The following DGKI variants were observed in gnomAD, a reference collection of about 807,000 sequenced individuals.
DGKI encodes the protein DAG kinase iota.
Under a neutral mutation model 147.5 loss-of-function variants are expected in DGKI, and 55 were observed. The observed-to-expected ratio is 0.37, with a 90% confidence interval of 0.30 to 0.47. The LOEUF is 0.47. Ranked by LOEUF, DGKI falls within the 20% of genes least tolerant of loss-of-function variation. DGKI has a pLI of 1.00. For missense variants in DGKI, 1,007 were observed against 1,323.8 expected (o/e 0.76, Z 3.71); for synonymous variants, 469 against 477.1 (o/e 0.98, Z 0.22).
rs117199027 is a variant in DGKI, at chr7:137,495,840, A to G, written c.2249-8151T>C. Reference sequence around the variant, plus strand: ...AATAAGAGTCATCTATGATAAACCCATAAGCCAACATCATACTGAATGGGT... The same window carrying G: ...AATAAGAGTCATCTATGATAAACCCGTAAGCCAACATCATACTGAATGGGT... On this transcript the variant is annotated intron_variant, in intron 21 of 32. Coordinates refer to ENST00000614521, the MANE Select transcript of DGKI (RefSeq NM_001321708.2). 1.6e-3 allele frequency among the ~76,000 whole-genome samples: 250 copies of G among 152,254 alleles called. 3 individuals carry two copies. In the East Asian group the frequency reaches 0.045, roughly 28 times the overall value.
At chr7:137,487,320 C>A (rs1197579651) in intron 22 of DGKI, among the ~76,000 whole-genome samples, 2 of 152,058 alleles carry the variant, frequency 1.3e-5, no homozygotes, top group Non-Finnish European at 2.9e-5. Context: ...TTCTGAACAT[C>A]TCAAATATAC....
intron 1 of DGKI, chr7:137,722,103 G>C: frequency 6.3e-7 from 1 of 1,598,562 alleles, no homozygotes; most frequent in Non-Finnish European, 8.5e-7. Flanking sequence ...AGCCCAAGAA[G>C]GGGAAGCCCC....
chr7:137,743,099 G>A (rs545910373), intron 1 of DGKI, among the ~76,000 whole-genome samples: 5 of 152,212 alleles, frequency 3.3e-5, no homozygotes, highest in Admixed American at 6.5e-5. Context: ...AAATATATAC[G>A]TACCCAACAT....
chr7:137,731,404 C>T (rs550760981), intron 1 of DGKI, among the ~76,000 whole-genome samples: 6 of 152,184 alleles, frequency 3.9e-5, no homozygotes, highest in Middle Eastern at 3.4e-3. Context: ...TATGTAGGCA[C>T]ATACTAGGTA....
chr7:137,643,288 C>T (rs1157029532), intron 6 of DGKI, among the ~76,000 whole-genome samples: 7 of 52,396 alleles, frequency 1.3e-4, no homozygotes, highest in South Asian at 1.1e-3. Context: ...GAGACTCCGT[C>T]TCAAAAAAAA....
intron 30 of DGKI, among the ~76,000 whole-genome samples, chr7:137,397,987 C>T (rs1254435522): frequency 6.6e-6 from 1 of 152,160 alleles, no homozygotes; most frequent in Non-Finnish European, 1.5e-5. Context: ...TTTGTGTATT[C>T]ATGAATTAAT....
intron 1 of DGKI, among the ~76,000 whole-genome samples, chr7:137,739,331 C>G (rs1343629379): frequency 6.6e-6 from 1 of 152,152 alleles, no homozygotes; most frequent in Non-Finnish European, 1.5e-5. Context: ...CCTGTGAAAT[C>G]ACATCTCCCT....
intron 10 of DGKI, among the ~76,000 whole-genome samples, chr7:137,605,313 T>TATAAAATAAA (rs564995858): frequency 0.052 from 6,322 of 121,182 alleles, 289 homozygotes; most frequent in East Asian, 0.15. Context: ...GTCTCAAAAA[T>TATAAAATAAA]ATAAAATAAA....
intron 1 of DGKI, among the ~76,000 whole-genome samples, chr7:137,807,861 C>T (rs947741894): frequency 4.3e-4 from 66 of 152,158 alleles, no homozygotes; most frequent in African/African-American, 1.3e-3. Context: ...CACCTGCCTG[C>T]CTGTCCCCTT....
rs1054904765 is a variant in DGKI, at chr7:137,746,482, CTG to C, written c.402-56482_402-56481del. Among the ~76,000 whole-genome samples, 7 of 152,198 alleles carry C rather than the reference CTG, an allele frequency of 4.6e-5. No individual in the cohort carries two copies. In the South Asian group the frequency reaches 1.0e-3, roughly 23 times the overall value. ...TTCAGAGACAGGGAGCCAAGCCACA[CTG>C]TGAAATCTCTTCTGGAGGAAAATGA... On this transcript the variant is annotated intron_variant, in intron 1 of 32. Coordinates refer to ENST00000614521, the MANE Select transcript of DGKI (RefSeq NM_001321708.2).
chr7:137,428,836 A>C (rs1812932863), intron 28 of DGKI, among the ~76,000 whole-genome samples: 1 of 152,154 alleles, frequency 6.6e-6, no homozygotes, highest in Non-Finnish European at 1.5e-5. Flanking sequence ...CTAGGAATCC[A>C]ACTTACAAGG....
At chr7:137,467,638 T>C (rs1814710609) in intron 24 of DGKI, among the ~76,000 whole-genome samples, 1 of 152,216 alleles carries the variant, frequency 6.6e-6, no homozygotes, top group African/African-American at 2.4e-5. Flanking sequence ...GAGATTGAGC[T>C]ACATCTATGG....
chr7:137,569,780 TCC>T (rs1008786097), intron 19 of DGKI, among the ~76,000 whole-genome samples: 1 of 130,100 alleles, frequency 7.7e-6, no homozygotes, highest in Non-Finnish European at 1.7e-5. Context: ...AAAGAATTCT[TCC>T]CTGCATATAT....
At position 137,412,864 on chromosome 7, in the gene DGKI, A is replaced by G. The variant is rs562566886; in HGVS notation, c.2762-657T>C. Reference sequence around the variant, plus strand: ...TTTAATTTATTGATGATTCTTATGGAAAAAAAAGCCTAGAGGTAATAGGTA... The same window carrying G: ...TTTAATTTATTGATGATTCTTATGGGAAAAAAAGCCTAGAGGTAATAGGTA... On this transcript the variant is annotated intron_variant, in intron 28 of 32. Transcript: ENST00000614521. Among the ~76,000 whole-genome samples the G allele has an allele frequency of 2.6e-5, 4 of 151,986 alleles. No homozygotes were observed. The South Asian group carries it at 8.3e-4, about 31-fold the overall frequency.
At chr7:137,703,398 C>A (rs1824051757) in intron 1 of DGKI, among the ~76,000 whole-genome samples, 1 of 152,178 alleles carries the variant, frequency 6.6e-6, no homozygotes, top group Non-Finnish European at 1.5e-5. Flanking sequence ...TAAGACTGTA[C>A]ACATGCTCAG....
At position 137,846,513 on chromosome 7, in the gene DGKI, G is replaced by T. The variant is rs1446935226; in HGVS notation, c.350C>A (p.Ala117Glu). 3.8e-6 allele frequency: 6 copies of T among 1,584,332 alleles called. No homozygotes were observed. The highest frequency in any genetic ancestry group is 1.4e-5 in the African/African-American group (1 of 73,282). ...TAAGTTCCTCAGCTTCTCCTCCAGC[G>T]CTTCGTCCTTCTCCTTCTGGCCGGC... ...AAAGQKEKDE[A>E]LEEKLRNLTF... The change falls in exon 1 of 33, where the codon GCG becomes GAG. Residue 117 changes from alanine to glutamate, a missense_variant. By Grantham distance (107) the Ala-to-Glu change is moderately radical (BLOSUM62 -1). Coordinates refer to ENST00000614521, the MANE Select transcript of DGKI (RefSeq NM_001321708.2). The surrounding 1 kb of genome is among the most constrained non-coding windows in gnomAD (Gnocchi z 4.0).
At chr7:137,821,919 G>T (rs1487611358) in intron 1 of DGKI, among the ~76,000 whole-genome samples, 1 of 152,138 alleles carries the variant, frequency 6.6e-6, no homozygotes, top group Non-Finnish European at 1.5e-5. Context: ...CCTTTCTAGA[G>T]AGTAATTAGA....
At chr7:137,743,226 C>T (rs1795231558) in intron 1 of DGKI, among the ~76,000 whole-genome samples, 1 of 152,162 alleles carries the variant, frequency 6.6e-6, no homozygotes, top group African/African-American at 2.4e-5. Flanking sequence ...ATCACTGAGG[C>T]AGAAAACTGG....
At chr7:137,447,412 G>A (rs1389587888) in intron 27 of DGKI, among the ~76,000 whole-genome samples, 1 of 152,128 alleles carries the variant, frequency 6.6e-6, no homozygotes, top group Non-Finnish European at 1.5e-5. Flanking sequence ...GAGGCAAAGA[G>A]GTAGCACAGA....
Sources: gnomAD v4.1 joint callset for allele counts (sites outside exome capture counted in the v4.1 genomes callset) on GRCh38, gnomAD v4.1.1 for gene constraint, Gnocchi (gnomAD v3.1) non-coding constraint, MANE v1.5 for transcripts, NCBI Gene and HGNC (gene_info 2026-07-23, HGNC 2026-07-21) for gene names.